Variants in VEPH1 observed in about 807,000 individuals in gnomAD.
The protein encoded by VEPH1 is ventricular zone-expressed PH domain-containing protein homolog 1.
In VEPH1, 80 loss-of-function variants were observed where a neutral mutation model predicts 85.2. The ratio of observed to expected loss-of-function variants is 0.94; its 90% CI spans 0.78 to 1.13. VEPH1 has a LOEUF of 1.13. VEPH1 is among the 50% of genes most tolerant of loss of function. VEPH1 has a pLI of 0.00. For missense variants in VEPH1, 955 were observed against 980.5 expected, an observed-to-expected ratio of 0.97 and a Z score of 0.35; for synonymous variants, 297 against 348.0, an observed-to-expected ratio of 0.85 and a Z score of 1.63.
At chr3:157,397,657 T>G (rs1197452297) in intron 6 of VEPH1, among the ~76,000 whole-genome samples, 2 of 152,182 alleles carry the variant, frequency 1.3e-5, no homozygotes, top group African/African-American at 4.8e-5. Context: ...ACTGTATTCC[T>G]AGGTATTTTA....
intron 4 of VEPH1, among the ~76,000 whole-genome samples, chr3:157,457,120 A>G (rs1735451235): frequency 6.6e-6 from 1 of 151,874 alleles, no homozygotes; most frequent in Non-Finnish European, 1.5e-5. Context: ...TAGGTATTTT[A>G]TTTGTATGTG....
chr3:157,398,417 C>T (rs957884301), intron 6 of VEPH1, among the ~76,000 whole-genome samples: 63 of 152,064 alleles, frequency 4.1e-4, no homozygotes, highest in Non-Finnish European at 1.0e-4. Flanking sequence ...GTGTGGATCA[C>T]GAGGTCAGGA....
At chr3:157,326,837 A>C (rs766970860) in intron 9 of VEPH1, among the ~76,000 whole-genome samples, 10 of 152,220 alleles carry the variant, frequency 6.6e-5, no homozygotes, top group Non-Finnish European at 1.2e-4. Context: ...GCACCAACAC[A>C]GGGTAGCCAA....
At chr3:157,425,836 G>A (rs1732715160) in intron 5 of VEPH1, among the ~76,000 whole-genome samples, 1 of 152,142 alleles carries the variant, frequency 6.6e-6, no homozygotes, top group African/African-American at 2.4e-5. Flanking sequence ...GTTATGGTTT[G>A]GCTCAGTGTC....
At chr3:157,351,661 G>A (rs1389606500) in intron 9 of VEPH1, among the ~76,000 whole-genome samples, 22 of 152,184 alleles carry the variant, frequency 1.4e-4, no homozygotes. Context: ...GCAGTCTTGT[G>A]GAACTGTAGA....
At chr3:157,500,213 C>A (rs928768713) in intron 1 of VEPH1, among the ~76,000 whole-genome samples, 18 of 152,286 alleles carry the variant, frequency 1.2e-4, no homozygotes, top group African/African-American at 4.1e-4. Flanking sequence ...GGCACTGGAA[C>A]CTTCCTTTAT....
intron 9 of VEPH1, among the ~76,000 whole-genome samples, chr3:157,348,940 C>T (rs1022347941): frequency 1.3e-5 from 2 of 152,202 alleles, no homozygotes; most frequent in Non-Finnish European, 2.9e-5. Context: ...AGAATTAATA[C>T]CAATTTTTCT....
intron 12 of VEPH1, among the ~76,000 whole-genome samples, chr3:157,266,702 T>C (rs1713701226): frequency 6.6e-6 from 1 of 152,184 alleles, no homozygotes; most frequent in African/African-American, 2.4e-5. Context: ...AGAAGATCCA[T>C]TGCAATGTCA....
intron 9 of VEPH1, among the ~76,000 whole-genome samples, chr3:157,340,674 T>C (rs1723449843): frequency 1.3e-5 from 2 of 151,946 alleles, no homozygotes; most frequent in Admixed American, 6.6e-5. Context: ...TTGAAGAGAG[T>C]AGTGGTTCTC....
chr3:157,300,399 GA>G (rs2108452326), intron 11 of VEPH1, among the ~76,000 whole-genome samples: 1 of 152,228 alleles, frequency 6.6e-6, no homozygotes, highest in Non-Finnish European at 1.5e-5. Flanking sequence ...GAATGTTCAC[GA>G]CAGTAGTAAA....
At position 157,398,557 on chromosome 3, in the gene VEPH1, C is replaced by G. The variant is rs574785352; in HGVS notation, c.906+15324G>C. Among the ~76,000 whole-genome samples the G allele has an allele frequency of 2.6e-5, 4 of 151,988 alleles. No individual in the cohort carries two copies. In the East Asian group the frequency reaches 7.8e-4, roughly 30 times the overall value. On this transcript the variant is annotated intron_variant, in intron 6 of 13. Coordinates refer to ENST00000362010, the MANE Select transcript of VEPH1 (RefSeq NM_001167912.2). ...GCTGAGGCAGAAGAATTGTTTGAAC[C>G]TGGGAGGTGGAGGTTGCAGTGAGCC...
chr3:157,332,506 G>A (rs141977771), intron 9 of VEPH1, among the ~76,000 whole-genome samples: 143 of 152,250 alleles, frequency 9.4e-4, no homozygotes, highest in African/African-American at 3.4e-3. Context: ...GGCCTTCTGT[G>A]TCTGGCTTCT....
At chr3:157,475,387 A>T (rs193245784) in intron 2 of VEPH1, among the ~76,000 whole-genome samples, 53 of 152,264 alleles carry the variant, frequency 3.5e-4, no homozygotes, top group South Asian at 1.9e-3. Flanking sequence ...AAGTCTTTTT[A>T]AAAAAATAGG....
intron 11 of VEPH1, among the ~76,000 whole-genome samples, chr3:157,292,510 G>A (rs149531562): frequency 1.7e-4 from 26 of 151,874 alleles, no homozygotes; most frequent in African/African-American, 6.0e-4. Context: ...TGGCCAGCCC[G>A]GTGAAACCTC....
At chr3:157,270,751 A>AG (rs970394966) in intron 12 of VEPH1, among the ~76,000 whole-genome samples, 8 of 152,110 alleles carry the variant, frequency 5.3e-5, no homozygotes, top group African/African-American at 1.7e-4. Flanking sequence ...TTTGGATCTG[A>AG]GGGGTCATAA....
intron 8 of VEPH1, among the ~76,000 whole-genome samples, chr3:157,363,987 G>T (rs1021735504): frequency 6.6e-6 from 1 of 152,054 alleles, no homozygotes; most frequent in Non-Finnish European, 1.5e-5. Flanking sequence ...TGGCAAAACT[G>T]GCTGCAAAAT....
chr3:157,292,685 TA>T (rs1215577339), intron 11 of VEPH1, among the ~76,000 whole-genome samples: 1 of 145,326 alleles, frequency 6.9e-6, no homozygotes, highest in Non-Finnish European at 1.5e-5. Context: ...GAGTGAGACC[TA>T]AAAAAAGAAA....
At chr3:157,482,767 T>A (rs1707595659) in intron 2 of VEPH1, among the ~76,000 whole-genome samples, 1 of 152,178 alleles carries the variant, frequency 6.6e-6, no homozygotes, top group Admixed American at 6.5e-5. Context: ...AATGGGATTG[T>A]GTTCTTGTTT....
rs927076118 is a variant in VEPH1, at chr3:157,278,222, A to G, written c.2128+8335T>C. Among the ~76,000 whole-genome samples, 3 of 152,258 alleles carry G rather than the reference A, an allele frequency of 2.0e-5. No individual in the cohort carries two copies. In the South Asian group the frequency reaches 6.2e-4, roughly 31 times the overall value. On this transcript the variant is annotated intron_variant, in intron 12 of 13. Coordinates refer to ENST00000362010, the MANE Select transcript of VEPH1 (RefSeq NM_001167912.2). Reference sequence around the variant, plus strand: ...ACCTCAGTATGCATCGGGGGGTTACAAAAGGCTTCCAATACTGAAGCTGTG... The same window carrying G: ...ACCTCAGTATGCATCGGGGGGTTACGAAAGGCTTCCAATACTGAAGCTGTG...
Sources: allele counts gnomAD v4.1 joint callset (sites outside exome capture counted in the v4.1 genomes callset), GRCh38; gene constraint gnomAD v4.1.1; transcripts MANE v1.5; gene names NCBI Gene and HGNC (gene_info 2026-07-23, HGNC 2026-07-21).